The following GNPTAB variants were observed in gnomAD, a reference collection of about 807,000 sequenced individuals.
GNPTAB encodes N-acetylglucosamine-1-phosphotransferase subunits alpha/beta.
Under a neutral mutation model 136.6 loss-of-function variants are expected in GNPTAB, and 92 were observed. The observed-to-expected ratio is 0.67, with a 90% CI of 0.57 to 0.80. The LOEUF (loss-of-function observed/expected upper bound fraction) is 0.80. Ranked by LOEUF, GNPTAB falls within the 30% of genes least tolerant of loss-of-function variation. The pLI, the probability that GNPTAB is intolerant of heterozygous loss-of-function variation, is 0.00. For synonymous variants in GNPTAB, 512 were observed against 535.1 expected, an observed-to-expected ratio of 0.96 and a Z score of 0.60; for missense variants, 1,343 against 1,501.8, an observed-to-expected ratio of 0.89 and a Z score of 1.75.
chr12:101,771,404 C>T (rs748902596), intron 7 of GNPTAB, among the ~76,000 whole-genome samples: 29 of 152,072 alleles, frequency 1.9e-4, no homozygotes, highest in South Asian at 2.1e-4. Context: ...TCATCACGCC[C>T]GGCAAACTTT....
chr12:101,810,130 C>T (rs1870138822), intron 1 of GNPTAB, among the ~76,000 whole-genome samples: 1 of 151,828 alleles, frequency 6.6e-6, no homozygotes, highest in Admixed American at 6.6e-5. Flanking sequence ...GCCTGTACAC[C>T]CAGCTACTTG....
intron 20 of GNPTAB, 29 bp downstream of exon 20, chr12:101,749,072 A>G: frequency 1.7e-6 from 2 of 1,201,328 alleles, no homozygotes; most frequent in Non-Finnish European, 2.5e-6. Context: ...AATACCATTT[A>G]ATACCCACAT....
chr12:101,822,345 C>T (rs1054713017), intron 1 of GNPTAB, among the ~76,000 whole-genome samples: 22 of 152,118 alleles, frequency 1.4e-4, no homozygotes, highest in Non-Finnish European at 2.8e-4. Flanking sequence ...CCCCGGGGGG[C>T]GGAGCCTGCA....
intron 19 of GNPTAB, among the ~76,000 whole-genome samples, chr12:101,752,703 C>A (rs1031411118): frequency 6.6e-6 from 1 of 152,164 alleles, no homozygotes; most frequent in African/African-American, 2.4e-5. Flanking sequence ...TAGTTTAATT[C>A]ATTTTCCCCA....
rs73394432 is a variant in GNPTAB, at chr12:101,811,140, T to C, written c.118-14378A>G. Among the ~76,000 whole-genome samples, 339 of 152,262 alleles carry C rather than the reference T, an allele frequency of 2.2e-3. 2 individuals are homozygous for C. The highest frequency in any genetic ancestry group is 7.3e-3 in the African/African-American group (304 of 41,552). On this transcript the variant is annotated intron_variant, in intron 1 of 20. Coordinates refer to ENST00000299314, the MANE Select transcript of GNPTAB (RefSeq NM_024312.5). ...AGTCCAACCCCAATCAGTTAACCAATGACCTGCACATCCAGAGAGCAAGTA... is the reference window on the plus strand; with the variant it reads ...AGTCCAACCCCAATCAGTTAACCAACGACCTGCACATCCAGAGAGCAAGTA...
At chr12:101,790,101 A>G in intron 2 of GNPTAB, 44 bp from the exon 3 acceptor site, 3 of 1,613,688 alleles carry the variant, frequency 1.9e-6, no homozygotes, top group Non-Finnish European at 2.5e-6. Flanking sequence ...GCATTTTTCC[A>G]ATATATTTGG....
intron 12 of GNPTAB, 41 bp from the exon 13 acceptor site, chr12:101,765,345 G>C (rs772063137): frequency 1.5e-6 from 2 of 1,318,530 alleles, no homozygotes; most frequent in Admixed American, 3.4e-5. Context: ...TTTTAACTGG[G>C]CATTTTTCCT....
At chr12:101,823,778 G>A (rs1304778442) in intron 1 of GNPTAB, among the ~76,000 whole-genome samples, 1 of 152,044 alleles carries the variant, frequency 6.6e-6, no homozygotes, top group Non-Finnish European at 1.5e-5. Flanking sequence ...GATTTATAAC[G>A]GCACACTTGA....
chr12:101,816,060 G>A (rs1011430976), intron 1 of GNPTAB, among the ~76,000 whole-genome samples: 1 of 152,144 alleles, frequency 6.6e-6, no homozygotes, highest in Non-Finnish European at 1.5e-5. Context: ...ATGGATTAAA[G>A]ACTTAAATCT....
chr12:101,770,915 C>T, intron 8 of GNPTAB, 81 bp downstream of exon 8: 1 of 1,338,524 alleles, frequency 7.5e-7, no homozygotes, highest in Non-Finnish European at 1.1e-6. Flanking sequence ...AGTCCCCTTC[C>T]CTCTTCTAAT....
Position 101,765,273 on chromosome 12 carries a change from A to G in GNPTAB, c.1644T>C (p.Leu548=). The G allele has an allele frequency of 1.2e-6, 2 of 1,612,838 alleles. No individual in the cohort carries two copies. The highest frequency in any genetic ancestry group is 1.7e-6 in the Non-Finnish European group (2 of 1,178,912). The part of the protein sequence containing the change: ...DHFHELYKVI[L]LPNQTHYIIP... ...TAATATAGTGAGTCTGGTTTGGGAG[A>G]AGGATCACTTTATACAATTCATGAA... The change falls in exon 13 of 21, where the codon CTT becomes CTC. Residue 548 remains leucine (L), a synonymous_variant. Coordinates refer to ENST00000299314, the MANE Select transcript of GNPTAB (RefSeq NM_024312.5).
intron 2 of GNPTAB, chr12:101,796,107 A>G: frequency 1.6e-6 from 1 of 643,284 alleles, no homozygotes; most frequent in East Asian, 2.7e-5. Flanking sequence ...AGAGTGACCA[A>G]TGGAGTGGGG....
intron 19 of GNPTAB, among the ~76,000 whole-genome samples, chr12:101,750,304 C>T (rs1225012035): frequency 1.3e-5 from 2 of 152,230 alleles, no homozygotes; most frequent in Non-Finnish European, 2.9e-5. Flanking sequence ...TTGGGCGTCT[C>T]TACCTCAAGT....
intron 1 of GNPTAB, among the ~76,000 whole-genome samples, chr12:101,805,448 C>T (rs185269584): frequency 2.0e-5 from 3 of 152,310 alleles, no homozygotes; most frequent in African/African-American, 7.2e-5. Context: ...AGTGCAGTGG[C>T]GTCATCAAGG....
chr12:101,796,543 T>C (rs554651510), intron 2 of GNPTAB, 134 bp downstream of exon 2: 3 of 695,058 alleles, frequency 4.3e-6, no homozygotes, highest in African/African-American at 3.5e-5. Flanking sequence ...ACACATCAGA[T>C]GGGCATACTC....
At chr12:101,829,271 G>C (rs1871252083) in intron 1 of GNPTAB, among the ~76,000 whole-genome samples, 1 of 152,138 alleles carries the variant, frequency 6.6e-6, no homozygotes. Flanking sequence ...GATCACTTGA[G>C]GTCAGAAGTT....
chr12:101,817,273 T>C (rs1342164240), intron 1 of GNPTAB, among the ~76,000 whole-genome samples: 2 of 147,384 alleles, frequency 1.4e-5, no homozygotes, highest in Non-Finnish European at 3.0e-5. Context: ...CACTTTTTTT[T>C]TTTTTTTTTT....
At chr12:101,803,546 G>A (rs955219759) in intron 1 of GNPTAB, among the ~76,000 whole-genome samples, 1 of 152,208 alleles carries the variant, frequency 6.6e-6, no homozygotes, top group Non-Finnish European at 1.5e-5. Flanking sequence ...TCAAACCGAA[G>A]ATGGATGACC....
intron 18 of GNPTAB, among the ~76,000 whole-genome samples, chr12:101,755,981 A>G (rs1952895408): frequency 6.6e-6 from 1 of 152,226 alleles, no homozygotes; most frequent in South Asian, 2.1e-4. Flanking sequence ...ATTACTACAC[A>G]TGACGGAGAG....
Sources: gnomAD v4.1 joint callset for allele counts (sites outside exome capture counted in the v4.1 genomes callset) on GRCh38, gnomAD v4.1.1 for gene constraint, MANE v1.5 for transcripts, NCBI Gene and HGNC (gene_info 2026-07-23, HGNC 2026-07-21) for gene names.